CR1L: variants seen among roughly 807,000 people sequenced by gnomAD.
CR1L encodes complement component receptor 1-like protein.
A neutral mutation model predicts 62.3 loss-of-function variants in CR1L; 59 were observed. The observed-to-expected ratio is 0.95, with a 90% CI of 0.77 to 1.18. CR1L has a LOEUF of 1.18. CR1L is among the 50% of genes most tolerant of loss of function. CR1L has a pLI of 0.00. For synonymous variants in CR1L, 279 were observed against 248.7 expected (o/e 1.12, Z -1.15); for missense variants, 700 against 702.8 (o/e 1.00, Z 0.04).
At chr1:207,669,375 G>C (rs535178531) in intron 1 of CR1L, 2 of 1,014,298 alleles carry the variant, frequency 2.0e-6, no homozygotes, top group Non-Finnish European at 3.0e-6. Flanking sequence ...ACTCCTCTTT[G>C]CACTGCGCTT....
chr1:207,682,772 C>T (rs1368777831), intron 3 of CR1L, among the ~76,000 whole-genome samples: 2 of 152,182 alleles, frequency 1.3e-5, no homozygotes, highest in East Asian at 3.8e-4. Context: ...TTGGCCCAAC[C>T]ATCTATCACA....
intron 4 of CR1L, among the ~76,000 whole-genome samples, chr1:207,688,820 T>C (rs1243007190): frequency 6.6e-6 from 1 of 152,132 alleles, no homozygotes; most frequent in African/African-American, 2.4e-5. Flanking sequence ...CTACATATTA[T>C]TTTTAAAATT....
intron 9 of CR1L, among the ~76,000 whole-genome samples, chr1:207,702,950 G>A (rs1310035474): frequency 6.6e-6 from 1 of 152,188 alleles, no homozygotes; most frequent in Non-Finnish European, 1.5e-5. Flanking sequence ...AGGCGTTGTG[G>A]CGGGTTGCCT....
chr1:207,699,178 T>A lies in CR1L; in HGVS notation c.1143-11T>A. On this transcript the variant is annotated splice_polypyrimidine_tract_variant and intron_variant, in intron 7 of 11. Coordinates refer to ENST00000508064, the MANE Select transcript of CR1L (RefSeq NM_175710.2). ...AAACAGCTCGCTATTCACTCCTATT[T>A]TCTTCTTTAGATTTCAATTAAAAGG... The A allele has an allele frequency of 6.2e-7, 1 of 1,613,554 alleles. No individual in the cohort carries two copies. The highest frequency in any genetic ancestry group is 1.3e-5 in the African/African-American group (1 of 74,998).
At chr1:207,649,019 A>G (rs1049602560) in intron 1 of CR1L, among the ~76,000 whole-genome samples, 11 of 152,208 alleles carry the variant, frequency 7.2e-5, no homozygotes, top group African/African-American at 2.4e-4. Context: ...TTGTGGCCAC[A>G]TGGATGAATG....
intron 4 of CR1L, among the ~76,000 whole-genome samples, chr1:207,693,849 T>C (rs1272218348): frequency 6.6e-6 from 1 of 152,168 alleles, no homozygotes; most frequent in Non-Finnish European, 1.5e-5. Flanking sequence ...TTATATCATT[T>C]AGATTTTCAA....
At chr1:207,688,183 G>A (rs1230948615) in intron 4 of CR1L, among the ~76,000 whole-genome samples, 1 of 152,176 alleles carries the variant, frequency 6.6e-6, no homozygotes, top group African/African-American at 2.4e-5. Flanking sequence ...GCCTGAGGTG[G>A]GAGGATCCCT....
At chr1:207,679,257 G>C (rs1430274118) in intron 3 of CR1L, among the ~76,000 whole-genome samples, 3 of 144,932 alleles carry the variant, frequency 2.1e-5, no homozygotes, top group Non-Finnish European at 4.5e-5. Context: ...CCCACCTCCC[G>C]GCCTCCCAAA....
chr1:207,720,334 G>GA (rs1654102721), intron 11 of CR1L, among the ~76,000 whole-genome samples: 1 of 143,920 alleles, frequency 6.9e-6, no homozygotes, highest in Non-Finnish European at 1.5e-5. Flanking sequence ...TATCGAAACA[G>GA]AAAAAATTAA....
intron 1 of CR1L, among the ~76,000 whole-genome samples, chr1:207,647,903 AC>A (rs1223714625): frequency 6.6e-6 from 1 of 152,178 alleles, no homozygotes; most frequent in Non-Finnish European, 1.5e-5. Flanking sequence ...AAACGAAAGG[AC>A]TTTTTTTTCT....
chr1:207,708,976 G>A (rs1664311494), intron 10 of CR1L: 1 of 344,996 alleles, frequency 2.9e-6, no homozygotes, highest in Non-Finnish European at 5.7e-6. Context: ...TGGTATGGCT[G>A]TAGATCAGTA....
intron 1 of CR1L, among the ~76,000 whole-genome samples, chr1:207,668,277 C>T (rs906896523): frequency 3.3e-5 from 5 of 151,048 alleles, no homozygotes; most frequent in African/African-American, 1.2e-4. Flanking sequence ...CAAGTGTTCA[C>T]CAATGGACGA....
intron 8 of CR1L, 37 bp downstream of exon 8, chr1:207,699,311 CCCT>C: frequency 6.2e-7 from 1 of 1,611,586 alleles, no homozygotes; most frequent in Non-Finnish European, 8.5e-7. Context: ...CCAATCTCTC[CCCT>C]TCATCTGTTC....
intron 1 of CR1L, among the ~76,000 whole-genome samples, chr1:207,651,540 G>A (rs529751353): frequency 1.3e-5 from 2 of 152,230 alleles, no homozygotes; most frequent in East Asian, 3.9e-4. Context: ...TTCCACTATA[G>A]AAGAGGCCTT....
intron 4 of CR1L, among the ~76,000 whole-genome samples, chr1:207,685,975 A>G (rs1210840948): frequency 2.0e-5 from 3 of 151,548 alleles, no homozygotes; most frequent in Non-Finnish European, 2.9e-5. Context: ...AAACCACCAG[A>G]TAATTATAAT....
At chr1:207,660,996 T>C (rs1001949047) in intron 1 of CR1L, among the ~76,000 whole-genome samples, 3 of 152,248 alleles carry the variant, frequency 2.0e-5, no homozygotes, top group African/African-American at 7.2e-5. Flanking sequence ...TTGATTGCAC[T>C]GTGGTCTGAG....
At chr1:207,648,231 A>G (rs1460092221) in intron 1 of CR1L, among the ~76,000 whole-genome samples, 1 of 150,704 alleles carries the variant, frequency 6.6e-6, no homozygotes, top group African/African-American at 2.5e-5. Context: ...ACAGAAAAAA[A>G]AAAAAAACCT....
intron 1 of CR1L, among the ~76,000 whole-genome samples, chr1:207,671,813 C>T (rs1465456818): frequency 1.3e-5 from 2 of 150,600 alleles, no homozygotes; most frequent in Non-Finnish European, 2.9e-5. Flanking sequence ...CCCAGCTACT[C>T]AGGAGGCTGA....
At chr1:207,701,803 T>A in intron 9 of CR1L, 185 bp downstream of exon 9, 2 of 889,864 alleles carry the variant, frequency 2.2e-6, no homozygotes, top group Non-Finnish European at 3.7e-6. Context: ...GTGTCCTTGC[T>A]GGAAACCAGG....
Sources: gnomAD v4.1 joint callset for allele counts (sites outside exome capture counted in the v4.1 genomes callset) on GRCh38, gnomAD v4.1.1 for gene constraint, MANE v1.5 for transcripts, NCBI Gene and HGNC (gene_info 2026-07-23, HGNC 2026-07-21) for gene names.